MARCHF10: variants seen among roughly 807,000 people sequenced by gnomAD.
MARCHF10 encodes probable E3 ubiquitin-protein ligase MARCHF10.
Under a neutral mutation model 76.2 loss-of-function variants are expected in MARCHF10, and 64 were observed. The observed-to-expected ratio is 0.84, with a 90% CI of 0.69 to 1.03. The LOEUF is 1.03. MARCHF10 is among the 50% of genes least tolerant of loss of function. The pLI is 0.00. For missense variants in MARCHF10, 875 were observed against 958.0 expected, an observed-to-expected ratio of 0.91 and a Z score of 1.14; for synonymous variants, 340 against 357.5, an observed-to-expected ratio of 0.95 and a Z score of 0.55.
intron 6 of MARCHF10, among the ~76,000 whole-genome samples, chr17:62,729,579 A>C (rs1568121509): frequency 6.7e-6 from 1 of 148,278 alleles, no homozygotes. Context: ...TAAATATATA[A>C]ATATATATAT....
chr17:62,738,556 G>A lies in MARCHF10; in HGVS notation c.536-1224C>T, dbSNP rs913031331. ...AAGCGGTTCACCCTGTAGAGTGGAC[G>A]GGACTCCACGGGCCCTGGAAGGTCT... is the stretch of plus-strand genomic sequence containing the variant. On this transcript the variant is annotated intron_variant, in intron 5 of 10. Coordinates refer to ENST00000311269, the MANE Select transcript of MARCHF10 (RefSeq NM_152598.4). This position sits in a 1 kb window ranked among gnomAD's most constrained non-coding sequence, Gnocchi z 4.0. 7.9e-5 allele frequency among the ~76,000 whole-genome samples: 12 copies of A among 152,136 alleles called. No individual in the cohort carries two copies. Among genetic ancestry groups the A allele is most frequent in the African/African-American group, 2.9e-4 (12 of 41,398 alleles).
intron 5 of MARCHF10, among the ~76,000 whole-genome samples, chr17:62,741,817 C>G (rs2091516056): frequency 1.3e-5 from 2 of 151,946 alleles, no homozygotes; most frequent in African/African-American, 4.8e-5. Flanking sequence ...GCCTCAGCCT[C>G]CCGAGTAGCT....
intron 3 of MARCHF10, among the ~76,000 whole-genome samples, chr17:62,767,224 C>T (rs2092352710): frequency 6.6e-6 from 1 of 151,926 alleles, no homozygotes; most frequent in Non-Finnish European, 1.5e-5. Context: ...TACAATTTAG[C>T]TATATGTTTC....
intron 3 of MARCHF10, among the ~76,000 whole-genome samples, chr17:62,783,321 A>G (rs1490102274): frequency 6.6e-6 from 1 of 150,408 alleles, no homozygotes; most frequent in Non-Finnish European, 1.5e-5. Context: ...GTGCTCTTTG[A>G]AACCAATGAG....
chr17:62,748,442 G>T (rs2091784280), intron 4 of MARCHF10, among the ~76,000 whole-genome samples: 1 of 142,418 alleles, frequency 7.0e-6, no homozygotes, highest in African/African-American at 2.6e-5. Context: ...ACAAAAAAGA[G>T]ATTCTAACAT....
At chr17:62,703,433 C>G (rs531513704) in intron 10 of MARCHF10, 16 of 152,538 alleles carry the variant, frequency 1.0e-4, no homozygotes, top group African/African-American at 3.4e-4. Context: ...AATGGCTACC[C>G]TGGCTCTTGT....
rs771005638 is a variant in MARCHF10 at position 62,759,996 on chromosome 17, T to C, written c.221A>G (p.Glu74Gly). Reference sequence around the variant, plus strand: ...CCTTGGTTCAGTTAGAGCATCCTCCTCACTAGAACTCTACCAAAAATGAAA... The same window carrying C: ...CCTTGGTTCAGTTAGAGCATCCTCCCCACTAGAACTCTACCAAAAATGAAA... ...SRSSSKQSSS[E>G]EDALTEPRSS... Residue 74 changes from glutamate (E) to glycine (G), a missense_variant, in exon 4 of 11, where the codon GAG (glutamate) becomes GGG (glycine). Physicochemically the swap from Glu to Gly is moderately conservative, Grantham distance 98 (BLOSUM62 -2). Transcript: ENST00000311269. 1 of 1,612,836 alleles carries C rather than the reference T, an allele frequency of 6.2e-7. No individual in the cohort carries two copies. Among genetic ancestry groups the C allele is most frequent in the Non-Finnish European group, 8.5e-7 (1 of 1,179,428 alleles).
chr17:62,702,310 T>C (rs2089291119), intron 10 of MARCHF10, among the ~76,000 whole-genome samples: 1 of 151,392 alleles, frequency 6.6e-6, no homozygotes, highest in Non-Finnish European at 1.5e-5. Context: ...CTTGTCTCAA[T>C]ATGTTTCTTT....
chr17:62,738,247 C>T lies in MARCHF10; in HGVS notation c.536-915G>A, dbSNP rs1437317163. ...ATGAACATTTGAACCCACGCCTGCT[C>T]GATACTAGGGTTTGTGTTCTTAACC... On this transcript the variant is annotated intron_variant, in intron 5 of 10. Coordinates refer to ENST00000311269, the MANE Select transcript of MARCHF10 (RefSeq NM_152598.4). This position sits in a 1 kb window ranked among gnomAD's most constrained non-coding sequence, Gnocchi z 4.0. Among the ~76,000 whole-genome samples the T allele has an allele frequency of 2.0e-5, 3 of 152,158 alleles. No homozygotes were observed. The highest frequency in any genetic ancestry group is 6.5e-5 in the Admixed American group (1 of 15,284).
chr17:62,730,197 GA>G (rs923147138), intron 6 of MARCHF10, among the ~76,000 whole-genome samples: 6 of 146,248 alleles, frequency 4.1e-5, no homozygotes, highest in South Asian at 2.2e-4. Flanking sequence ...AAAAGAAAAT[GA>G]AAAAAAAACC....
At chr17:62,771,088 C>T (rs1240337223) in intron 3 of MARCHF10, among the ~76,000 whole-genome samples, 1 of 152,028 alleles carries the variant, frequency 6.6e-6, no homozygotes, top group African/African-American at 2.4e-5. Context: ...ATCTCCTGAC[C>T]TCATGATCCA....
In MARCHF10 at chr17:62,746,473, G is replaced by GAA. The variant is rs1175274047; in HGVS notation, c.383-1946_383-1945insTT. ...AGAGTGAGAGACAGAAAGACAGAGA[G>GAA]AGAGAGAGGGATCAGGTGTTTTACA... On this transcript the variant is annotated intron_variant, in intron 4 of 10. Transcript: ENST00000311269. Among the ~76,000 whole-genome samples the GAA allele has an allele frequency of 4.6e-5, 7 of 151,814 alleles. No individual in the cohort carries two copies. The East Asian group carries it at 1.4e-3, about 30-fold the overall frequency.
At chr17:62,749,516 T>C (rs114367960) in intron 4 of MARCHF10, among the ~76,000 whole-genome samples, 1 of 152,216 alleles carries the variant, frequency 6.6e-6, no homozygotes. Context: ...CAGGAGCCAA[T>C]GTTGCCTTGG....
At chr17:62,705,288 C>T (rs2089507293) in intron 10 of MARCHF10, 1 of 1,433,826 alleles carries the variant, frequency 7.0e-7, no homozygotes, top group East Asian at 2.6e-5. Context: ...GGAAGATAAC[C>T]TCTTCCCTTT....
intron 5 of MARCHF10, among the ~76,000 whole-genome samples, chr17:62,741,227 ATTG>A (rs1851572377): frequency 6.6e-6 from 1 of 152,156 alleles, no homozygotes; most frequent in Non-Finnish European, 1.5e-5. Context: ...CTCTTCCCCT[ATTG>A]TTGGGTATAT....
Position 62,738,057 on chromosome 17 carries a change from CTGT to C in MARCHF10, c.536-728_536-726del, listed in dbSNP as rs1599163123. ...GCTAACTGTCTCTCTCTGTCTCTCT[CTGT>C]CACACACACACACACACACACACAC... On this transcript the variant is annotated intron_variant, in intron 5 of 10. Coordinates refer to ENST00000311269, the MANE Select transcript of MARCHF10 (RefSeq NM_152598.4). The surrounding 1 kb of genome is among the most constrained non-coding windows in gnomAD (Gnocchi z 4.0). 3 of 131,960 alleles carry C rather than the reference CTGT, an allele frequency of 2.3e-5. No individual in the cohort carries two copies. Among genetic ancestry groups the C allele is most frequent in the East Asian group, 4.6e-4 (2 of 4,302 alleles). 8.2% of individuals were successfully genotyped at this position (131,960 alleles called of 1,614,324 possible).
rs1338783356 is a variant in MARCHF10, at chr17:62,736,105, T to C, written c.1763A>G (p.His588Arg). Reference protein sequence around the residue: ...SSPSRMNSEGHLHVSGSLQEN... With the variant: ...SSPSRMNSEGRLHVSGSLQEN... The stretch of plus-strand genomic sequence containing the variant: ...TTGCAGAGACCCAGACACATGCAAA[T>C]GGCCTTCTGAGTTCATTCTTGATGG... Residue 588 changes from histidine (H) to arginine (R), a missense_variant, in exon 6 of 11, where the codon CAT (histidine) becomes CGT (arginine). By Grantham distance (29) the His-to-Arg change is conservative. Transcript: ENST00000311269. The C allele has an allele frequency of 1.2e-6, 2 of 1,614,042 alleles. No individual in the cohort carries two copies. The highest frequency in any genetic ancestry group is 1.7e-6 in the Non-Finnish European group (2 of 1,180,030).
chr17:62,740,254 C>T (rs1007475660), intron 5 of MARCHF10, among the ~76,000 whole-genome samples: 2 of 152,044 alleles, frequency 1.3e-5, no homozygotes, highest in Admixed American at 6.6e-5. Context: ...TAGACCAGGC[C>T]CTGCAGATGC....
At chr17:62,710,910 A>G (rs1480347844) in intron 9 of MARCHF10, among the ~76,000 whole-genome samples, 1 of 152,166 alleles carries the variant, frequency 6.6e-6, no homozygotes, top group African/African-American at 2.4e-5. Context: ...CACACGTAAT[A>G]CACAACCAGC....
Sources: gnomAD v4.1 joint callset for allele counts (sites outside exome capture counted in the v4.1 genomes callset) on GRCh38, gnomAD v4.1.1 for gene constraint, Gnocchi (gnomAD v3.1) non-coding constraint, MANE v1.5 for transcripts, NCBI Gene and HGNC (gene_info 2026-07-23, HGNC 2026-07-21) for gene names.